The following GRIK1 variants were observed in gnomAD, a reference collection of about 807,000 sequenced individuals.
The protein encoded by GRIK1 is glutamate ionotropic receptor kainate type subunit 1, also known as glutamate receptor ionotropic, kainate 1.
A neutral mutation model predicts 105.7 loss-of-function variants in GRIK1; 69 were observed. The ratio of observed to expected loss-of-function variants is 0.65; its 90% CI spans 0.54 to 0.80. The LOEUF (loss-of-function observed/expected upper bound fraction) is 0.80. Ranked by LOEUF, GRIK1 falls within the 30% of genes least tolerant of loss-of-function variation. The pLI, the probability that GRIK1 is intolerant of heterozygous loss-of-function variation, is 0.00. For missense variants in GRIK1, 1,109 were observed against 1,167.3 expected, an observed-to-expected ratio of 0.95 and a Z score of 0.73; for synonymous variants, 438 against 431.3, an observed-to-expected ratio of 1.02 and a Z score of -0.19.
At chr21:29,799,538 TTTG>T (rs985243522) in intron 1 of GRIK1, among the ~76,000 whole-genome samples, 3 of 150,196 alleles carry the variant, frequency 2.0e-5, no homozygotes, top group African/African-American at 7.5e-5. Flanking sequence ...TGTTTGTTTG[TTTG>T]TTTTTTGAGA....
At chr21:29,651,080 A>G in intron 6 of GRIK1, 38 bp downstream of exon 6, 1 of 1,521,924 alleles carries the variant, frequency 6.6e-7, no homozygotes. Flanking sequence ...AAGGCATTCA[A>G]ATATTCTTGC....
intron 1 of GRIK1, among the ~76,000 whole-genome samples, chr21:29,856,894 C>T (rs768685511): frequency 9.9e-5 from 15 of 152,028 alleles, no homozygotes; most frequent in East Asian, 1.9e-4. Context: ...CTAAGGACCC[C>T]GAGGTTGGAA....
intron 1 of GRIK1, among the ~76,000 whole-genome samples, chr21:29,857,228 A>T (rs2068490108): frequency 6.6e-6 from 1 of 152,206 alleles, no homozygotes; most frequent in African/African-American, 2.4e-5. Context: ...GCAAGAAAAA[A>T]TAGTGGCATG....
intron 1 of GRIK1, among the ~76,000 whole-genome samples, chr21:29,802,815 G>A (rs899610472): frequency 2.0e-5 from 3 of 152,138 alleles, no homozygotes; most frequent in African/African-American, 7.2e-5. Context: ...ATACTGACTT[G>A]TTTCCAAAAT....
intron 1 of GRIK1, among the ~76,000 whole-genome samples, chr21:29,838,327 A>G (rs2067868920): frequency 6.6e-6 from 1 of 152,194 alleles, no homozygotes; most frequent in African/African-American, 2.4e-5. Flanking sequence ...AGAGTACTAA[A>G]GCTCTCTGAA....
intron 1 of GRIK1, among the ~76,000 whole-genome samples, chr21:29,789,601 GA>G (rs2066356869): frequency 6.6e-6 from 1 of 152,150 alleles, no homozygotes; most frequent in South Asian, 2.1e-4. Context: ...ATACCTCACG[GA>G]GTAAGCATTT....
intron 1 of GRIK1, among the ~76,000 whole-genome samples, chr21:29,734,345 ACTTTTCTTTTCTTTTCTTTT>A (rs541782706): frequency 0.011 from 1,531 of 135,222 alleles, 66 homozygotes; most frequent in Admixed American, 0.036. Flanking sequence ...GGATCATAGC[ACTTTTCTTTTCTTTTCTTTT>A]CTTTTCTTTT....
At chr21:29,563,487 G>A (rs2090535224) in intron 14 of GRIK1, among the ~76,000 whole-genome samples, 1 of 152,170 alleles carries the variant, frequency 6.6e-6, no homozygotes, top group Non-Finnish European at 1.5e-5. Context: ...TTGGGCCCCT[G>A]TGAGTTATGC....
intron 7 of GRIK1, among the ~76,000 whole-genome samples, chr21:29,610,429 G>A (rs556900430): frequency 6.6e-6 from 1 of 152,300 alleles, no homozygotes; most frequent in East Asian, 1.9e-4. Context: ...GGAAGGGTCA[G>A]AGAGACAGAA....
chr21:29,571,313 C>T (rs969861255), intron 14 of GRIK1, among the ~76,000 whole-genome samples: 8 of 151,144 alleles, frequency 5.3e-5, no homozygotes, highest in Admixed American at 1.3e-4. Context: ...GCCAAGATCA[C>T]GCCATTGTAC....
At chr21:29,825,578 T>C (rs1322361775) in intron 1 of GRIK1, among the ~76,000 whole-genome samples, 1 of 152,010 alleles carries the variant, frequency 6.6e-6, no homozygotes, top group Non-Finnish European at 1.5e-5. Context: ...TTAAAAAGGG[T>C]AATGCAGCTA....
intron 1 of GRIK1, among the ~76,000 whole-genome samples, chr21:29,871,953 TG>T (rs1353382903): frequency 6.9e-6 from 1 of 145,376 alleles, no homozygotes; most frequent in Non-Finnish European, 1.6e-5. Context: ...TTGTAGAGAG[TG>T]GGTTTCGCCT....
chr21:29,695,473 T>TATCTATCTATC (rs1242820775), intron 1 of GRIK1, among the ~76,000 whole-genome samples: 8 of 141,120 alleles, frequency 5.7e-5, no homozygotes, highest in Middle Eastern at 3.6e-3. Context: ...TCTATCTATC[T>TATCTATCTATC]ATCTATATAT....
intron 1 of GRIK1, among the ~76,000 whole-genome samples, chr21:29,876,131 T>TGC (rs1268341204): frequency 6.6e-6 from 1 of 152,006 alleles, no homozygotes; most frequent in African/African-American, 2.4e-5. Flanking sequence ...TGTGTGTGTG[T>TGC]GTGTGTGTGT....
At chr21:29,624,354 T>C (rs2062074167) in intron 7 of GRIK1, among the ~76,000 whole-genome samples, 1 of 152,194 alleles carries the variant, frequency 6.6e-6, no homozygotes, top group African/African-American at 2.4e-5. Flanking sequence ...CCAGCCTGTT[T>C]TCCATTGCAG....
chr21:29,899,082 G>A (rs2070290343), intron 1 of GRIK1, among the ~76,000 whole-genome samples: 2 of 152,050 alleles, frequency 1.3e-5, no homozygotes, highest in African/African-American at 2.4e-5. Flanking sequence ...TTTTTAACTG[G>A]CCTTCTTTTT....
intron 7 of GRIK1, among the ~76,000 whole-genome samples, chr21:29,625,928 C>T (rs1056888082): frequency 6.6e-6 from 1 of 152,012 alleles, no homozygotes; most frequent in African/African-American, 2.4e-5. Flanking sequence ...TTGTGTCCCC[C>T]CAAATTTGTA....
intron 1 of GRIK1, among the ~76,000 whole-genome samples, chr21:29,933,524 C>T (rs1239177559): frequency 6.6e-6 from 1 of 152,070 alleles, no homozygotes; most frequent in East Asian, 1.9e-4. Flanking sequence ...TACAAACGTG[C>T]CTCATGAATC....
chr21:29,888,202 T>TTTCTTTCTTC (rs1476394861), intron 1 of GRIK1, among the ~76,000 whole-genome samples: 11 of 38,966 alleles, frequency 2.8e-4, no homozygotes, highest in Admixed American at 1.1e-3. Context: ...TCTTTCTCTC[T>TTTCTTTCTTC]CTCTCTCTCT....
Sources: allele counts gnomAD v4.1 joint callset (sites outside exome capture counted in the v4.1 genomes callset), GRCh38; gene constraint gnomAD v4.1.1; transcripts MANE v1.5; gene names NCBI Gene and HGNC (gene_info 2026-07-23, HGNC 2026-07-21).